VPS8: variants seen among roughly 807,000 people sequenced by gnomAD.
VPS8 encodes the protein VPS8 subunit of CORVET complex.
VPS8 carries 129 observed loss-of-function variants against 216.4 expected under a neutral mutation model. The observed-to-expected ratio is 0.60, with a 90% confidence interval of 0.52 to 0.69. VPS8 has a LOEUF of 0.69. Among genes scored for constraint, VPS8 ranks in the 30% least tolerant of loss-of-function variants. The pLI is 0.00. For synonymous variants in VPS8, 571 were observed against 565.4 expected (o/e 1.01, Z -0.14); for missense variants, 1,531 against 1,683.5 (o/e 0.91, Z 1.59).
chr3:184,948,916 C>T (rs543894873), intron 36 of VPS8, among the ~76,000 whole-genome samples: 3 of 152,126 alleles, frequency 2.0e-5, no homozygotes, highest in Admixed American at 6.5e-5. Flanking sequence ...GCTCTTATTT[C>T]TATTAGGTTA....
At chr3:184,855,565 C>G in intron 13 of VPS8, 146 bp from the exon 14 acceptor site, 1 of 661,976 alleles carries the variant, frequency 1.5e-6, no homozygotes, top group East Asian at 2.7e-5. Flanking sequence ...CCTCATGATA[C>G]CTCCCAGTTA....
At chr3:184,867,695 A>G (rs1464154743) in intron 17 of VPS8, among the ~76,000 whole-genome samples, 1 of 152,092 alleles carries the variant, frequency 6.6e-6, no homozygotes, top group African/African-American at 2.4e-5. Flanking sequence ...AAAATACAAA[A>G]ATTAGCCAGT....
intron 36 of VPS8, among the ~76,000 whole-genome samples, chr3:184,948,512 G>T (rs2109385241): frequency 6.6e-6 from 1 of 152,250 alleles, no homozygotes; most frequent in Admixed American, 6.5e-5. Flanking sequence ...GACAGAGGGA[G>T]ACCTGTCTCC....
intron 3 of VPS8, among the ~76,000 whole-genome samples, chr3:184,826,715 A>G (rs1054592784): frequency 6.6e-6 from 1 of 152,382 alleles, no homozygotes; most frequent in Admixed American, 6.5e-5. Flanking sequence ...TGTCTCTACC[A>G]CTGATATTCA....
In VPS8 at chr3:184,838,749, A is replaced by T; in HGVS notation, c.480+3A>T. The T allele has an allele frequency of 6.5e-7, 1 of 1,542,690 alleles. No individual in the cohort carries two copies. On this transcript the variant is annotated splice_donor_region_variant and intron_variant, in intron 6 of 47. Transcript: ENST00000625842. The stretch of plus-strand genomic sequence containing the variant: ...ATGCTGGCTTGCCTACAGCAATTGT[A>T]AGTATACTTTAACTTTTTAAAGGTA...
chr3:184,902,651 G>A (rs2108998580), intron 25 of VPS8, among the ~76,000 whole-genome samples: 1 of 151,180 alleles, frequency 6.6e-6, no homozygotes, highest in Admixed American at 6.6e-5. Flanking sequence ...CCAACATGGT[G>A]AAACCCTATC....
At chr3:184,866,192 GCCAT>G (rs1727325196) in intron 16 of VPS8, among the ~76,000 whole-genome samples, 1 of 152,168 alleles carries the variant, frequency 6.6e-6, no homozygotes, top group Non-Finnish European at 1.5e-5. Context: ...ATGTGGCATA[GCCAT>G]TTAATAGAAT....
chr3:185,037,012 C>A (rs1324517706), intron 46 of VPS8, among the ~76,000 whole-genome samples: 1 of 150,924 alleles, frequency 6.6e-6, no homozygotes, highest in Non-Finnish European at 1.5e-5. Context: ...AAGAAAAAAG[C>A]AAATATGCAT....
At chr3:184,825,245 A>G (rs1247971724) in intron 2 of VPS8, among the ~76,000 whole-genome samples, 1 of 152,198 alleles carries the variant, frequency 6.6e-6, no homozygotes, top group African/African-American at 2.4e-5. Context: ...TCATGTTGTC[A>G]TTTGAGCTTT....
chr3:184,902,829 CAAAA>C (rs200582217), intron 25 of VPS8, among the ~76,000 whole-genome samples: 2 of 107,790 alleles, frequency 1.9e-5, no homozygotes, highest in Non-Finnish European at 4.1e-5. Context: ...GATGCTGTCT[CAAAA>C]AAAAAAAAAA....
intron 20 of VPS8, 40 bp downstream of exon 20, chr3:184,869,568 G>A (rs1022433700): frequency 3.7e-6 from 6 of 1,603,238 alleles, no homozygotes; most frequent in Non-Finnish European, 5.1e-6. Flanking sequence ...ATACAGTGCA[G>A]ATTTGCTTTT....
At chr3:184,980,168 C>T (rs1749958827) in intron 40 of VPS8, among the ~76,000 whole-genome samples, 1 of 151,934 alleles carries the variant, frequency 6.6e-6, no homozygotes, top group Non-Finnish European at 1.5e-5. Flanking sequence ...CCACTGTTTG[C>T]CCAATGGGGT....
At position 184,854,188 on chromosome 3, in the gene VPS8, C is replaced by G. The variant is rs781387873; in HGVS notation, c.1035+15C>G. ...CCTATGGCCGGGTGAGTACGTCCCT[C>G]CATCTTATTTGCCAAAGGAAGGACC... On this transcript the variant is annotated intron_variant, in intron 13 of 47. Coordinates refer to ENST00000625842, the MANE Select transcript of VPS8 (RefSeq NM_001009921.3). 6.2e-7 allele frequency: 1 copy of G among 1,613,312 alleles called. No homozygotes were observed. Among genetic ancestry groups the G allele is most frequent in the Non-Finnish European group, 8.5e-7 (1 of 1,179,492 alleles).
At chr3:185,008,228 AC>A (rs1372080450) in intron 45 of VPS8, among the ~76,000 whole-genome samples, 1 of 152,144 alleles carries the variant, frequency 6.6e-6, no homozygotes, top group Non-Finnish European at 1.5e-5. Context: ...TTTTGAGGAG[AC>A]TTTTGCCCAT....
chr3:184,976,990 C>T (rs1015998179), intron 40 of VPS8, among the ~76,000 whole-genome samples: 2 of 152,126 alleles, frequency 1.3e-5, no homozygotes, highest in African/African-American at 2.4e-5. Context: ...GGTGGGATTG[C>T]TGGGTCAAAT....
intron 46 of VPS8, among the ~76,000 whole-genome samples, chr3:185,027,641 G>C (rs1236762593): frequency 1.3e-5 from 2 of 152,130 alleles, no homozygotes; most frequent in Non-Finnish European, 2.9e-5. Context: ...ATTTTGCCAT[G>C]TATATAGGCA....
chr3:185,051,444 G>A (rs543341876), intron 47 of VPS8, among the ~76,000 whole-genome samples: 18 of 152,206 alleles, frequency 1.2e-4, no homozygotes, highest in South Asian at 2.1e-4. Context: ...CATTCACCCC[G>A]AGGAGAGTGC....
chr3:184,843,796 C>T (rs1031756804), intron 8 of VPS8, among the ~76,000 whole-genome samples: 1 of 152,214 alleles, frequency 6.6e-6, no homozygotes, highest in African/African-American at 2.4e-5. Context: ...GAAACAACAG[C>T]TCTTTCTTTT....
intron 29 of VPS8, 59 bp from the exon 30 acceptor site, chr3:184,924,799 ATTTT>A: frequency 1.6e-6 from 2 of 1,263,526 alleles, no homozygotes; most frequent in South Asian, 1.6e-5. Flanking sequence ...TTCTAATTGT[ATTTT>A]TTTTTTTTTG....
Sources: gnomAD v4.1 joint callset for allele counts (sites outside exome capture counted in the v4.1 genomes callset) on GRCh38, gnomAD v4.1.1 for gene constraint, MANE v1.5 for transcripts, NCBI Gene and HGNC (gene_info 2026-07-23, HGNC 2026-07-21) for gene names.